PDK1: variants seen among roughly 807,000 people sequenced by gnomAD.
PDK1 encodes the protein pyruvate dehydrogenase kinase 1.
Under a neutral mutation model 54.2 loss-of-function variants are expected in PDK1, and 39 were observed. The observed-to-expected ratio is 0.72, with a 90% CI of 0.56 to 0.94. PDK1 has a LOEUF of 0.94. Ranked by LOEUF, PDK1 falls within the 40% of genes least tolerant of loss-of-function variation. PDK1 has a pLI of 0.00. For missense variants in PDK1, 552 were observed against 566.0 expected, an observed-to-expected ratio of 0.98 and a Z score of 0.25; for synonymous variants, 221 against 207.1, an observed-to-expected ratio of 1.07 and a Z score of -0.58.
At chr2:172,703,008 G>A in the PDK1 span, among the ~76,000 whole-genome samples, 1 of 152,152 alleles carries the variant, frequency 6.6e-6, no homozygotes, top group African/African-American at 2.4e-5. Flanking sequence ...ATTTTTGCAT[G>A]TGTGATTAAA....
Position 172,602,751 on chromosome 2 carries a change from A to AC in PDK1, c.*6782_*6783insC, listed in dbSNP as rs1374463643. ...AAACATTAGACTTATAAAAGGGCCT[A>AC]GGGTTTTTTTGTTTGGTAAACCATT... is the stretch of plus-strand genomic sequence containing the variant. On this transcript the variant is annotated 3_prime_UTR_variant, in exon 11 of 11. Coordinates refer to ENST00000282077, the MANE Select transcript of PDK1 (RefSeq NM_002610.5). 1 of 152,182 alleles carries AC rather than the reference A, an allele frequency of 6.6e-6. No homozygotes were observed. The highest frequency in any genetic ancestry group is 2.4e-5 in the African/African-American group (1 of 41,448). 9.4% of individuals were successfully genotyped at this position (152,182 alleles called of 1,614,324 possible). A position where few individuals can be genotyped will look rare whatever the true frequency, so the allele number is the denominator to read the frequency against.
Position 172,556,354 on chromosome 2 carries a change from C to T in PDK1, c.196+8C>T, listed in dbSNP as rs539314668. On this transcript the variant is annotated splice_region_variant and intron_variant, in intron 1 of 10. Coordinates refer to ENST00000282077, the MANE Select transcript of PDK1 (RefSeq NM_002610.5). ...AGCAGTTCCTGGACTTCGGTGAGTG[C>T]GGCCCGGGACCTTGGGCCTTTTTGC... 2.1e-6 allele frequency: 3 copies of T among 1,422,590 alleles called. No individual in the cohort carries two copies. The highest frequency in any genetic ancestry group is 2.8e-5 in the East Asian group (1 of 35,770). The allele number at this position is 1,422,590 out of a possible 1,614,324, so 88.1% of individuals were successfully genotyped here. A position where few individuals can be genotyped will look rare whatever the true frequency, so the allele number is the denominator to read the frequency against.
the PDK1 span, among the ~76,000 whole-genome samples, chr2:172,616,358 C>A: frequency 6.6e-6 from 1 of 152,080 alleles, no homozygotes; most frequent in Non-Finnish European, 1.5e-5. Context: ...ATTTATCCAG[C>A]GAAATACAGC....
the PDK1 span, among the ~76,000 whole-genome samples, chr2:172,692,615 G>T: frequency 1.3e-5 from 2 of 152,160 alleles, no homozygotes; most frequent in Non-Finnish European, 2.9e-5. Context: ...TCCCCAAGTT[G>T]GGGGTTAGGG....
At chr2:172,650,745 T>A in the PDK1 span, among the ~76,000 whole-genome samples, 1 of 152,158 alleles carries the variant, frequency 6.6e-6, no homozygotes, top group Non-Finnish European at 1.5e-5. Context: ...GGCTATTACA[T>A]GATGATAAAG....
chr2:172,558,826 A>G lies in PDK1; in HGVS notation c.315A>G (p.Pro105=), dbSNP rs750767866. Residue 105 remains proline, a synonymous_variant, in exon 2 of 11, where the codon CCA becomes CCG. Transcript: ENST00000282077. Reference sequence around the variant, plus strand: ...TTCCAGATAATCTTCTCAGGACACCATCCGTTCAATTGGTACAAAGCTGGT... The same window carrying G: ...TTCCAGATAATCTTCTCAGGACACCGTCCGTTCAATTGGTACAAAGCTGGT... The part of the protein sequence containing the change: ...SLLPDNLLRT[P]SVQLVQSWYI... 1.2e-6 allele frequency: 2 copies of G among 1,612,172 alleles called. No homozygotes were observed. Among genetic ancestry groups the G allele is most frequent in the Admixed American group, 3.4e-5 (2 of 59,480 alleles).
chr2:172,651,550 A>T, the PDK1 span, among the ~76,000 whole-genome samples: 6 of 151,940 alleles, frequency 3.9e-5, no homozygotes, highest in East Asian at 1.9e-4. Context: ...TTTTGAAAAG[A>T]TCAACAAAAT....
intron 7 of PDK1, 33 bp from the exon 8 acceptor site, chr2:172,570,693 C>A: frequency 8.1e-7 from 1 of 1,239,084 alleles, no homozygotes; most frequent in Non-Finnish European, 1.2e-6. Context: ...TTCTAAAAAG[C>A]TGTATTTTTA....
the PDK1 span, among the ~76,000 whole-genome samples, chr2:172,664,311 C>CAAGAAAA: frequency 2.3e-5 from 1 of 44,174 alleles, no homozygotes; most frequent in African/African-American, 9.8e-5. Flanking sequence ...AACTCTGCCT[C>CAAGAAAA]AAAAAAAAAA....
the PDK1 span, among the ~76,000 whole-genome samples, chr2:172,652,472 A>G: frequency 6.6e-6 from 1 of 152,222 alleles, no homozygotes; most frequent in African/African-American, 2.4e-5. Flanking sequence ...TGGCCAGGGC[A>G]ATCAGGCAGG....
At chr2:172,699,046 A>C in the PDK1 span, among the ~76,000 whole-genome samples, 2 of 152,234 alleles carry the variant, frequency 1.3e-5, no homozygotes, top group Non-Finnish European at 2.9e-5. Flanking sequence ...ATATTTAAGC[A>C]GCATTTAAAA....
At chr2:172,720,117 T>TC in the PDK1 span, among the ~76,000 whole-genome samples, 23 of 22,420 alleles carry the variant, frequency 1.0e-3, no homozygotes, top group African/African-American at 4.8e-3. Context: ...TCTCTCTCTC[T>TC]TTTTTTTTTT....
the PDK1 span, among the ~76,000 whole-genome samples, chr2:172,645,412 C>A: frequency 0.64 from 96,586 of 151,156 alleles, 32,156 homozygotes; most frequent in Non-Finnish European, 0.74. Flanking sequence ...GCGCTTGCCA[C>A]CACGCCCGGC....
chr2:172,645,592 G>A, the PDK1 span, among the ~76,000 whole-genome samples: 1 of 152,054 alleles, frequency 6.6e-6, no homozygotes, highest in Non-Finnish European at 1.5e-5. Context: ...CTTAATACAT[G>A]TTTACATCTA....
In PDK1 at chr2:172,604,200, G is replaced by C. The variant is rs879784392; in HGVS notation, c.*8231G>C. 7 of 152,196 alleles carry C rather than the reference G, an allele frequency of 4.6e-5. No individual in the cohort carries two copies. The highest frequency in any genetic ancestry group is 4.6e-4 in the Admixed American group (7 of 15,270). 9.4% of individuals were successfully genotyped at this position (152,196 alleles called of 1,614,324 possible). A position where few individuals can be genotyped will look rare whatever the true frequency, so the allele number is the denominator to read the frequency against. ...GAGTTGAAGCAATTCTCCTGCCTCA[G>C]CCTCCCCAGTAGCTGGGATTACAGG... On this transcript the variant is annotated 3_prime_UTR_variant, in exon 11 of 11. Coordinates refer to ENST00000282077, the MANE Select transcript of PDK1 (RefSeq NM_002610.5).
chr2:172,676,204 C>A, the PDK1 span, among the ~76,000 whole-genome samples: 2 of 152,194 alleles, frequency 1.3e-5, no homozygotes, highest in African/African-American at 4.8e-5. Context: ...CCTGCTAACA[C>A]AACATCCATT....
chr2:172,573,484 A>G (rs13026115), intron 8 of PDK1, among the ~76,000 whole-genome samples: 1 of 151,482 alleles, frequency 6.6e-6, no homozygotes, highest in Non-Finnish European at 1.5e-5. Context: ...GTGTATATAT[A>G]TATAGGGATT....
chr2:172,706,209 A>G, the PDK1 span, among the ~76,000 whole-genome samples: 3 of 151,978 alleles, frequency 2.0e-5, no homozygotes, highest in East Asian at 5.8e-4. Context: ...TTGTTATTTC[A>G]AGATGTCCTT....
chr2:172,691,940 G>A, the PDK1 span, among the ~76,000 whole-genome samples: 1 of 152,242 alleles, frequency 6.6e-6, no homozygotes, highest in African/African-American at 2.4e-5. Flanking sequence ...CAAGGAATTG[G>A]ATAGTATAGT....
Sources: gnomAD v4.1 joint callset for allele counts (sites outside exome capture counted in the v4.1 genomes callset) on GRCh38, gnomAD v4.1.1 for gene constraint, MANE v1.5 for transcripts, NCBI Gene and HGNC (gene_info 2026-07-23, HGNC 2026-07-21) for gene names.